The following RASGRF2 variants were observed in gnomAD, a reference collection of about 807,000 sequenced individuals.
RASGRF2 encodes Ras protein specific guanine nucleotide releasing factor 2.
In RASGRF2, 76 loss-of-function variants were observed where a neutral mutation model predicts 151.0. The ratio of observed to expected loss-of-function variants is 0.50; its 90% CI spans 0.42 to 0.61. The LOEUF is 0.61. RASGRF2 is among the 20% of genes least tolerant of loss of function. RASGRF2 has a pLI of 0.00. For synonymous variants in RASGRF2, 504 were observed against 566.5 expected, an observed-to-expected ratio of 0.89 and a Z score of 1.57; for missense variants, 1,148 against 1,564.6, an observed-to-expected ratio of 0.73 and a Z score of 4.49.
At chr5:81,195,285 C>A (rs1755239628) in intron 18 of RASGRF2, among the ~76,000 whole-genome samples, 1 of 152,162 alleles carries the variant, frequency 6.6e-6, no homozygotes, top group Admixed American at 6.5e-5. Flanking sequence ...ACGTCTTATT[C>A]CACCGTTTCA....
At chr5:81,206,550 G>A (rs1234878502) in intron 19 of RASGRF2, among the ~76,000 whole-genome samples, 1 of 152,176 alleles carries the variant, frequency 6.6e-6, no homozygotes, top group Non-Finnish European at 1.5e-5. Context: ...GTAACTCAGA[G>A]CTCACCCAGC....
chr5:80,977,743 C>T lies in RASGRF2; in HGVS notation c.288+16717C>T, dbSNP rs1187533807. 5.9e-5 allele frequency among the ~76,000 whole-genome samples: 9 copies of T among 152,318 alleles called. No individual in the cohort carries two copies. The East Asian group carries it at 1.5e-3, about 26-fold the overall frequency. On this transcript the variant is annotated intron_variant, in intron 1 of 26. Coordinates refer to ENST00000265080, the MANE Select transcript of RASGRF2 (RefSeq NM_006909.3). ...AAGTGCTGGGATTATAGGCGTAAGC[C>T]ACTGCACCTGGCCCAAAATGTTATT...
intron 1 of RASGRF2, among the ~76,000 whole-genome samples, chr5:81,038,339 C>T (rs767135921): frequency 6.6e-6 from 1 of 152,036 alleles, no homozygotes; most frequent in Non-Finnish European, 1.5e-5. Flanking sequence ...TAATTCTTTC[C>T]GGTGCTGTCT....
At chr5:81,069,562 C>A (rs1256128526) in intron 3 of RASGRF2, among the ~76,000 whole-genome samples, 1 of 152,200 alleles carries the variant, frequency 6.6e-6, no homozygotes, top group East Asian at 1.9e-4. Context: ...TCACTATGTT[C>A]TATTTTAGTC....
intron 1 of RASGRF2, among the ~76,000 whole-genome samples, chr5:81,000,993 A>G (rs866554848): frequency 1.8e-4 from 28 of 152,232 alleles, no homozygotes; most frequent in Non-Finnish European, 2.9e-4. Context: ...GCAGTCTCAA[A>G]TGATTAATAT....
At chr5:81,129,424 G>A (rs985972793) in intron 17 of RASGRF2, among the ~76,000 whole-genome samples, 10 of 151,872 alleles carry the variant, frequency 6.6e-5, no homozygotes, top group Non-Finnish European at 7.4e-5. Flanking sequence ...AACTACCATA[G>A]TACTTTATAT....
At chr5:81,015,014 G>A (rs138265459) in intron 1 of RASGRF2, among the ~76,000 whole-genome samples, 1 of 152,140 alleles carries the variant, frequency 6.6e-6, no homozygotes, top group Non-Finnish European at 1.5e-5. Flanking sequence ...TGACCTCCCG[G>A]ACTCAAGCAG....
intron 26 of RASGRF2, among the ~76,000 whole-genome samples, chr5:81,220,905 T>C (rs1209124103): frequency 6.6e-6 from 1 of 152,188 alleles, no homozygotes; most frequent in Non-Finnish European, 1.5e-5. Context: ...CTCCTCTTGG[T>C]TGTGGTGGTT....
chr5:81,199,519 C>A (rs1378795101), intron 18 of RASGRF2, among the ~76,000 whole-genome samples: 2 of 152,162 alleles, frequency 1.3e-5, no homozygotes, highest in African/African-American at 4.8e-5. Context: ...TAATTCTGTT[C>A]TCTAATACAC....
At chr5:81,162,372 G>A (rs1367595065) in intron 17 of RASGRF2, among the ~76,000 whole-genome samples, 2 of 152,052 alleles carry the variant, frequency 1.3e-5, no homozygotes, top group African/African-American at 4.8e-5. Flanking sequence ...TTTTGAGATG[G>A]AGCCTCACTC....
At chr5:80,986,825 T>G (rs971286854) in intron 1 of RASGRF2, among the ~76,000 whole-genome samples, 1 of 152,184 alleles carries the variant, frequency 6.6e-6, no homozygotes, top group African/African-American at 2.4e-5. Context: ...GGCACCTGTT[T>G]CTCTAAATTG....
At chr5:81,062,697 G>A (rs191002344) in intron 2 of RASGRF2, among the ~76,000 whole-genome samples, 38 of 152,300 alleles carry the variant, frequency 2.5e-4, no homozygotes, top group South Asian at 1.0e-3. Flanking sequence ...GAAATGTACC[G>A]TGTCATTGAA....
At chr5:81,096,044 G>A (rs1450070199) in intron 12 of RASGRF2, 1 of 152,190 alleles carries the variant, frequency 6.6e-6, no homozygotes, top group Non-Finnish European at 1.5e-5. Flanking sequence ...CAGCTGCATT[G>A]AGTCAGAATG....
At chr5:81,157,454 G>A (rs1474905417) in intron 17 of RASGRF2, among the ~76,000 whole-genome samples, 2 of 151,908 alleles carry the variant, frequency 1.3e-5, no homozygotes, top group Non-Finnish European at 2.9e-5. Flanking sequence ...CATTAGTGGA[G>A]AGATATACCA....
intron 18 of RASGRF2, among the ~76,000 whole-genome samples, chr5:81,192,784 A>G (rs1755178290): frequency 6.6e-6 from 1 of 152,216 alleles, no homozygotes; most frequent in South Asian, 2.1e-4. Flanking sequence ...TGATTTGCAT[A>G]TATCATGATC....
intron 15 of RASGRF2, among the ~76,000 whole-genome samples, 155 bp downstream of exon 15, chr5:81,114,075 T>C (rs751087892): frequency 6.6e-6 from 1 of 152,214 alleles, no homozygotes; most frequent in South Asian, 2.1e-4. Flanking sequence ...AAGAGAAAAT[T>C]CCTGTAGATT....
At chr5:80,995,666 T>C (rs1371742101) in intron 1 of RASGRF2, among the ~76,000 whole-genome samples, 1 of 147,502 alleles carries the variant, frequency 6.8e-6, no homozygotes, top group Non-Finnish European at 1.5e-5. Context: ...ATACAAATCA[T>C]TGTTTCTTTC....
At chr5:81,168,819 C>A (rs1227039587) in intron 17 of RASGRF2, among the ~76,000 whole-genome samples, 1 of 152,226 alleles carries the variant, frequency 6.6e-6, no homozygotes, top group Non-Finnish European at 1.5e-5. Flanking sequence ...CAAATCCAAT[C>A]CCCTTGTCTT....
chr5:81,158,463 A>C (rs942956749), intron 17 of RASGRF2, among the ~76,000 whole-genome samples: 1 of 152,232 alleles, frequency 6.6e-6, no homozygotes, highest in African/African-American at 2.4e-5. Context: ...ATTAGGCTTC[A>C]TCAAAATTGG....
Sources: allele counts gnomAD v4.1 joint callset (sites outside exome capture counted in the v4.1 genomes callset), GRCh38; gene constraint gnomAD v4.1.1; transcripts MANE v1.5; gene names NCBI Gene and HGNC (gene_info 2026-07-23, HGNC 2026-07-21).